SLC17A6: variants seen among roughly 807,000 people sequenced by gnomAD.
SLC17A6 encodes vesicular glutamate transporter 2.
In SLC17A6, 35 loss-of-function variants were observed where a neutral mutation model predicts 67.1. That is an observed-to-expected ratio of 0.52 (90% CI 0.40 to 0.69). The LOEUF is 0.69. Among genes scored for constraint, SLC17A6 ranks in the 30% least tolerant of loss-of-function variants. SLC17A6 has a pLI of 0.00. For synonymous variants in SLC17A6, 285 were observed against 252.3 expected (o/e 1.13, Z -1.23); for missense variants, 588 against 723.9 (o/e 0.81, Z 2.15).
chr11:22,344,373 A>T (rs1855852362), intron 3 of SLC17A6, among the ~76,000 whole-genome samples: 1 of 152,126 alleles, frequency 6.6e-6, no homozygotes, highest in South Asian at 2.1e-4. Flanking sequence ...ACCTGGGCAC[A>T]CCTCATCTCT....
intron 3 of SLC17A6, among the ~76,000 whole-genome samples, chr11:22,354,747 T>G (rs1855978900): frequency 6.6e-6 from 1 of 152,238 alleles, no homozygotes; most frequent in Non-Finnish European, 1.5e-5. Context: ...TTACTATCTA[T>G]ATGATGTTGG....
At chr11:22,341,867 G>C (rs1307017372) in intron 2 of SLC17A6, 87 bp downstream of exon 2, 2 of 1,533,928 alleles carry the variant, frequency 1.3e-6, no homozygotes, top group Admixed American at 3.8e-5. Context: ...CCGTTCCCCC[G>C]CCACTGAGAG....
At chr11:22,363,876 G>A (rs1316373604) in intron 6 of SLC17A6, among the ~76,000 whole-genome samples, 1 of 151,854 alleles carries the variant, frequency 6.6e-6, no homozygotes, top group African/African-American at 2.4e-5. Flanking sequence ...AAGTTTAAAA[G>A]CACTTGTTTT....
At chr11:22,348,462 G>A (rs966422629) in intron 3 of SLC17A6, among the ~76,000 whole-genome samples, 2 of 152,010 alleles carry the variant, frequency 1.3e-5, no homozygotes, top group Non-Finnish European at 1.5e-5. Context: ...CCTTTTCTCC[G>A]CAAAAGGCAA....
At chr11:22,347,600 A>G (rs1308583809) in intron 3 of SLC17A6, among the ~76,000 whole-genome samples, 4 of 152,180 alleles carry the variant, frequency 2.6e-5, no homozygotes, top group African/African-American at 9.6e-5. Context: ...GTTTATTTCT[A>G]GTGTGATAAA....
intron 3 of SLC17A6, among the ~76,000 whole-genome samples, chr11:22,356,510 C>A (rs1009497134): frequency 1.3e-5 from 2 of 151,858 alleles, no homozygotes; most frequent in African/African-American, 4.8e-5. Flanking sequence ...TGAGATGAAG[C>A]GCCCACTAAT....
At chr11:22,366,154 A>G (rs1410346181) in intron 7 of SLC17A6, among the ~76,000 whole-genome samples, 2 of 152,110 alleles carry the variant, frequency 1.3e-5, no homozygotes, top group South Asian at 2.1e-4. Flanking sequence ...CTATACATAC[A>G]TACCTATGAT....
chr11:22,353,996 A>G (rs951306436), intron 3 of SLC17A6, among the ~76,000 whole-genome samples: 2 of 152,132 alleles, frequency 1.3e-5, no homozygotes, highest in African/African-American at 2.4e-5. Flanking sequence ...AAACTCTAAC[A>G]CCTAGCAATC....
At chr11:22,373,249 A>G (rs1856193991) in intron 8 of SLC17A6, among the ~76,000 whole-genome samples, 1 of 152,208 alleles carries the variant, frequency 6.6e-6, no homozygotes, top group African/African-American at 2.4e-5. Flanking sequence ...GACTTAGGCA[A>G]TGTGGTTACT....
rs745589155 is a variant in SLC17A6, at chr11:22,341,814, TTCGGCCATGCGGCC to T, written c.339+38_339+51del. The T allele has an allele frequency of 2.5e-6, 4 of 1,608,574 alleles. No individual in the cohort carries two copies. In the South Asian group the frequency reaches 4.4e-5, roughly 18 times the overall value. On this transcript the variant is annotated intron_variant, in intron 2 of 11. Coordinates refer to ENST00000263160, the MANE Select transcript of SLC17A6 (RefSeq NM_020346.3). ...CGTCTGGCCGCCCTGGCTCCTGCCCTTCGGCCATGCGGCCTCGCAAAACCACATCTCCTGTTTGA... is the reference window on the plus strand; with the variant it reads ...CGTCTGGCCGCCCTGGCTCCTGCCCTTCGCAAAACCACATCTCCTGTTTGA...
chr11:22,370,030 G>A lies in SLC17A6; in HGVS notation c.892-9G>A, dbSNP rs1590393442. The stretch of plus-strand genomic sequence containing the variant: ...AATGGTCATAATGTCTCTCTTTTTG[G>A]AATTTCAGAAATTCAAGACTCCATG... On this transcript the variant is annotated splice_polypyrimidine_tract_variant and intron_variant, in intron 7 of 11. Transcript: ENST00000263160. 4 of 1,600,898 alleles carry A rather than the reference G, an allele frequency of 2.5e-6. No individual in the cohort carries two copies. Among genetic ancestry groups the A allele is most frequent in the Middle Eastern group, 1.7e-4 (1 of 5,972 alleles).
intron 8 of SLC17A6, among the ~76,000 whole-genome samples, chr11:22,371,394 C>T (rs909246491): frequency 2.0e-5 from 3 of 152,030 alleles, no homozygotes; most frequent in Non-Finnish European, 4.4e-5. Flanking sequence ...TTTGTAATTC[C>T]TGTTTCTAAG....
chr11:22,339,142 G>T (rs1440845194), intron 1 of SLC17A6, among the ~76,000 whole-genome samples: 77 of 6,904 alleles, frequency 0.011, 3 homozygotes, highest in African/African-American at 0.045. Context: ...ATATATATAT[G>T]TTATATATAG....
chr11:22,341,061 G>T (rs985791769), intron 1 of SLC17A6, among the ~76,000 whole-genome samples: 1 of 152,220 alleles, frequency 6.6e-6, no homozygotes, highest in Non-Finnish European at 1.5e-5. Context: ...CAGCGGAGCA[G>T]CTCTCTGGTG....
chr11:22,366,916 G>T (rs1265091944), intron 7 of SLC17A6, among the ~76,000 whole-genome samples: 1 of 144,338 alleles, frequency 6.9e-6, no homozygotes, highest in Non-Finnish European at 1.5e-5. Flanking sequence ...TAAGACAGAG[G>T]AATTGCTTGA....
chr11:22,347,484 T>C (rs1165410494), intron 3 of SLC17A6, among the ~76,000 whole-genome samples: 2 of 132,086 alleles, frequency 1.5e-5, no homozygotes, highest in African/African-American at 6.0e-5. Context: ...TTATTTAGTA[T>C]TAATGAAATC....
chr11:22,362,476 C>T (rs1003408764), intron 5 of SLC17A6, among the ~76,000 whole-genome samples: 6 of 152,114 alleles, frequency 3.9e-5, no homozygotes, highest in African/African-American at 1.4e-4. Context: ...AATCAGCATG[C>T]CAGTCAGCAT....
chr11:22,360,289 A>T (rs1856036236), intron 4 of SLC17A6, among the ~76,000 whole-genome samples: 1 of 152,030 alleles, frequency 6.6e-6, no homozygotes, highest in African/African-American at 2.4e-5. Context: ...GAACACATGG[A>T]CACAGGGAGG....
chr11:22,364,276 A>G (rs2133871953), intron 6 of SLC17A6, among the ~76,000 whole-genome samples: 1 of 152,268 alleles, frequency 6.6e-6, no homozygotes, highest in Admixed American at 6.5e-5. Context: ...GAATTCTGTT[A>G]GTGGTAATGA....
Sources: allele counts gnomAD v4.1 joint callset (sites outside exome capture counted in the v4.1 genomes callset), GRCh38; gene constraint gnomAD v4.1.1; transcripts MANE v1.5; gene names NCBI Gene and HGNC (gene_info 2026-07-23, HGNC 2026-07-21).